The following MCF2L2 variants were observed in gnomAD, a reference collection of about 807,000 sequenced individuals.
MCF2L2 encodes the protein MCF.2 cell line derived transforming sequence-like 2, also known as probable guanine nucleotide exchange factor MCF2L2.
Under a neutral mutation model 150.2 loss-of-function variants are expected in MCF2L2, and 102 were observed. The observed-to-expected ratio is 0.68, with a 90% CI of 0.58 to 0.80. The LOEUF (loss-of-function observed/expected upper bound fraction) is 0.80, where lower values mean the gene tolerates loss of function less well. Among genes scored for constraint, MCF2L2 ranks in the 30% least tolerant of loss-of-function variants. The pLI is 0.00. For missense variants in MCF2L2, 1,256 were observed against 1,372.8 expected, an observed-to-expected ratio of 0.91 and a Z score of 1.34; for synonymous variants, 465 against 491.3, an observed-to-expected ratio of 0.95 and a Z score of 0.71.
chr3:183,264,865 C>A (rs1725947308), intron 15 of MCF2L2, among the ~76,000 whole-genome samples: 1 of 152,146 alleles, frequency 6.6e-6, no homozygotes, highest in Non-Finnish European at 1.5e-5. Flanking sequence ...GGGCACGGCT[C>A]CTAGACTGAA....
intron 1 of MCF2L2, among the ~76,000 whole-genome samples, chr3:183,395,755 A>T (rs1450582714): frequency 3.3e-5 from 5 of 151,794 alleles, no homozygotes; most frequent in Admixed American, 6.6e-5. Flanking sequence ...CCCGTCTCCA[A>T]TAAAAATACA....
intron 25 of MCF2L2, among the ~76,000 whole-genome samples, chr3:183,203,971 TA>T (rs1722385259): frequency 6.6e-6 from 1 of 152,194 alleles, no homozygotes; most frequent in South Asian, 2.1e-4. Flanking sequence ...ATTCTATACC[TA>T]AAGCCAATTT....
Position 183,216,048 on chromosome 3 carries a change from T to G in MCF2L2, c.2417A>C (p.Gln806Pro). The change falls in exon 22 of 30, where the codon CAA becomes CCA. Residue 806 changes from glutamine (Q) to proline (P), a missense_variant. Gln to Pro is a moderately conservative substitution (Grantham distance 76, BLOSUM62 -1). Transcript: ENST00000328913. ...TKDSAFSTELQQALAVIEDLI... is the reference protein window; with the variant it reads ...TKDSAFSTELPQALAVIEDLI... ...ATCCTCTATCACTGCCAAAGCTTGT[T>G]GTAGTTCAGTTGAGAATGCTGAATC... The G allele has an allele frequency of 6.2e-7, 1 of 1,614,100 alleles. No individual in the cohort carries two copies.
intron 11 of MCF2L2, chr3:183,299,645 T>C: frequency 5.2e-6 from 1 of 193,614 alleles, no homozygotes; most frequent in Non-Finnish European, 1.0e-5. Context: ...TTTGCCTTTA[T>C]ATGAGGGAAG....
In MCF2L2 at chr3:183,205,918, C is replaced by A. The variant is rs1405806252; in HGVS notation, c.2842G>T (p.Glu948Ter). ...SKEIRDCWFS[E>*]ISKLLMEQQN... ...TGTTCCATCAATAATTTACTTATTT[C>A]TGAAAACCAACAGTCTCTGATTTCT... The change falls in exon 25 of 30, where the codon GAA becomes TAA. Residue 948 changes from glutamate to a stop codon, truncating the protein, a stop_gained. Coordinates refer to ENST00000328913, the MANE Select transcript of MCF2L2 (RefSeq NM_015078.4). LOFTEE classifies it high-confidence loss of function. The A allele has an allele frequency of 6.2e-7, 1 of 1,614,058 alleles. No homozygotes were observed. Among genetic ancestry groups the A allele is most frequent in the Non-Finnish European group, 8.5e-7 (1 of 1,179,932 alleles).
intron 3 of MCF2L2, among the ~76,000 whole-genome samples, chr3:183,347,987 G>A (rs1560033086): frequency 6.6e-6 from 1 of 152,168 alleles, no homozygotes. Flanking sequence ...GTGGAAGACA[G>A]TGTGGCAACT....
chr3:183,275,203 C>A (rs997682782), intron 15 of MCF2L2, among the ~76,000 whole-genome samples: 1 of 152,062 alleles, frequency 6.6e-6, no homozygotes, highest in Non-Finnish European at 1.5e-5. Context: ...TGTTTTTTTA[C>A]GAGCTGTAAG....
At chr3:183,207,044 CT>C (rs1355320400) in intron 23 of MCF2L2, among the ~76,000 whole-genome samples, 17 of 151,794 alleles carry the variant, frequency 1.1e-4, no homozygotes, top group Admixed American at 1.1e-3. Context: ...ACAAAGGCTA[CT>C]ATGAACAAAT....
intron 15 of MCF2L2, among the ~76,000 whole-genome samples, chr3:183,263,841 A>G (rs1056080060): frequency 2.0e-5 from 3 of 151,398 alleles, no homozygotes; most frequent in African/African-American, 7.3e-5. Context: ...TTCCTCCTTT[A>G]CTCGCCATCC....
At position 183,228,357 on chromosome 3, in the gene MCF2L2, T is replaced by C. The variant is rs1723425668; in HGVS notation, c.2055A>G (p.Leu685=). Residue 685 remains leucine, a synonymous_variant, in exon 18 of 30, where the codon CTA becomes CTG. Transcript: ENST00000328913. ...TCTCAGCACACTTTTCCAACTCTTT[T>C]AGAAAAGTCCTAGAAAAATAAAAGT... ...ELYEFHNRTF[L]KELEKCAENP... 2 of 1,611,402 alleles carry C rather than the reference T, an allele frequency of 1.2e-6. No individual in the cohort carries two copies. The highest frequency in any genetic ancestry group is 1.1e-5 in the South Asian group (1 of 90,880).
At chr3:183,410,382 C>T (rs1303968501) in intron 1 of MCF2L2, among the ~76,000 whole-genome samples, 2 of 152,198 alleles carry the variant, frequency 1.3e-5, no homozygotes, top group South Asian at 2.1e-4. Flanking sequence ...GGCCTACAAG[C>T]GTCCTCTCCA....
chr3:183,188,997 T>G (rs1360951265), intron 27 of MCF2L2, among the ~76,000 whole-genome samples: 1 of 151,920 alleles, frequency 6.6e-6, no homozygotes, highest in Non-Finnish European at 1.5e-5. Context: ...TTATGATTGA[T>G]CACACACTGT....
chr3:183,310,756 G>C (rs972946932), intron 9 of MCF2L2, 159 bp downstream of exon 9: 1 of 598,790 alleles, frequency 1.7e-6, no homozygotes, highest in African/African-American at 1.9e-5. Flanking sequence ...GAAAAAGTGA[G>C]AAGGGGGTTG....
intron 5 of MCF2L2, among the ~76,000 whole-genome samples, chr3:183,332,440 A>G (rs1462205670): frequency 6.6e-6 from 1 of 152,192 alleles, no homozygotes; most frequent in Non-Finnish European, 1.5e-5. Flanking sequence ...AAGTCAGAAT[A>G]TCGAGATAAA....
chr3:183,354,960 A>G (rs1343049536), intron 3 of MCF2L2, among the ~76,000 whole-genome samples: 1 of 152,178 alleles, frequency 6.6e-6, no homozygotes, highest in Non-Finnish European at 1.5e-5. Flanking sequence ...AATAAATGTA[A>G]GAATTAAAGC....
intron 15 of MCF2L2, among the ~76,000 whole-genome samples, chr3:183,251,330 G>T (rs542740951): frequency 2.6e-5 from 4 of 152,102 alleles, no homozygotes; most frequent in African/African-American, 7.2e-5. Context: ...AGTAACACAG[G>T]CCTCTTCCTT....
At chr3:183,272,708 A>G (rs950472789) in intron 15 of MCF2L2, 18 of 1,018,710 alleles carry the variant, frequency 1.8e-5, no homozygotes, top group Non-Finnish European at 2.1e-5. Context: ...ACAAAAGCAT[A>G]TTTGACCAAG....
chr3:183,278,213 T>A (rs992511410), intron 14 of MCF2L2, among the ~76,000 whole-genome samples: 4 of 148,624 alleles, frequency 2.7e-5, no homozygotes, highest in African/African-American at 1.0e-4. Flanking sequence ...TATATATATT[T>A]TTTATTATAT....
At chr3:183,338,976 AG>A in intron 4 of MCF2L2, 57 bp from the exon 5 acceptor site, 1 of 1,552,894 alleles carries the variant, frequency 6.4e-7, no homozygotes, top group South Asian at 1.2e-5. Flanking sequence ...ATTCGTTACC[AG>A]GGTCTACTTT....
Sources: gnomAD v4.1 joint callset for allele counts (sites outside exome capture counted in the v4.1 genomes callset) on GRCh38, gnomAD v4.1.1 for gene constraint, MANE v1.5 for transcripts, NCBI Gene and HGNC (gene_info 2026-07-23, HGNC 2026-07-21) for gene names.